Variants in RBM38 observed in about 807,000 individuals in gnomAD.
RBM38 encodes the protein RNA-binding protein 38.
In RBM38, 11 loss-of-function variants were observed where a neutral mutation model predicts 23.5. The observed-to-expected ratio is 0.47, with a 90% CI of 0.29 to 0.77. RBM38 has a LOEUF of 0.77. Among genes scored for constraint, RBM38 ranks in the 30% least tolerant of loss-of-function variants. RBM38 has a pLI of 0.08. For missense variants in RBM38, 330 were observed against 351.9 expected (o/e 0.94, Z 0.50); for synonymous variants, 165 against 166.1 (o/e 0.99, Z 0.05).
chr20:57,392,607 C>T, intron 1 of RBM38, 47 bp from the exon 2 acceptor site: 1 of 1,576,734 alleles, frequency 6.3e-7, no homozygotes, highest in Non-Finnish European at 8.6e-7. Flanking sequence ...CCCCTTTCGC[C>T]CCTGGTTCCC....
rs2067407190 is a variant in RBM38 at position 57,408,108 on chromosome 20, G to A, written c.*262G>A. On this transcript the variant is annotated 3_prime_UTR_variant, in exon 4 of 4. Transcript: ENST00000356208. ...TTAAAGACGCAATCCCAGGTTCCTT[G>A]CACACCATGGCAGCCTCTCCTTGCA... is the stretch of plus-strand genomic sequence containing the variant. The A allele has an allele frequency of 5.6e-6, 3 of 538,630 alleles. No homozygotes were observed. In the East Asian group the frequency reaches 9.7e-5, roughly 17 times the overall value. 33.4% of individuals were successfully genotyped at this position (538,630 alleles called of 1,614,324 possible).
chr20:57,405,526 A>G (rs1260974803), intron 3 of RBM38, among the ~76,000 whole-genome samples: 1 of 152,224 alleles, frequency 6.6e-6, no homozygotes, highest in Non-Finnish European at 1.5e-5. Flanking sequence ...GTGTGGCCAC[A>G]GCAGCCACTA....
rs200561320 is a variant in RBM38 at position 57,407,863 on chromosome 20, G to A, written c.*17G>A. The A allele has an allele frequency of 2.3e-5, 35 of 1,536,174 alleles. No homozygotes were observed. The highest frequency in any genetic ancestry group is 1.5e-4 in the African/African-American group (11 of 73,150). The stretch of plus-strand genomic sequence containing the variant: ...ATGCAGTGAGGGGCGTTCCTGCCCC[G>A]AGGACTGTGGCATTGTCACCTTCAC... On this transcript the variant is annotated 3_prime_UTR_variant, in exon 4 of 4. Coordinates refer to ENST00000356208, the MANE Select transcript of RBM38 (RefSeq NM_017495.6). This position sits in a 1 kb window ranked among gnomAD's most constrained non-coding sequence, Gnocchi z 4.0.
At chr20:57,392,163 C>A (rs886523557) in intron 1 of RBM38, 3 of 275,996 alleles carry the variant, frequency 1.1e-5, no homozygotes, top group Non-Finnish European at 2.1e-5. Context: ...AGCAATGGCT[C>A]CACCCCGGGG....
intron 3 of RBM38, among the ~76,000 whole-genome samples, chr20:57,396,249 A>G (rs944825415): frequency 1.4e-4 from 21 of 152,156 alleles, no homozygotes; most frequent in African/African-American, 5.1e-4. Context: ...GTATGTGGCC[A>G]CTGTCCGCGG....
rs780805801 is a variant in RBM38, at chr20:57,391,648, G to T, written c.67G>T (p.Ala23Ser). 3 of 1,489,834 alleles carry T rather than the reference G, an allele frequency of 2.0e-6. No individual in the cohort carries two copies. The highest frequency in any genetic ancestry group is 1.3e-5 in the South Asian group (1 of 79,434). The allele number at this position is 1,489,834 out of a possible 1,614,324, so 92.3% of individuals were successfully genotyped here. ...GFPRPLAAPG[A>S]MHGSQKDTTF... ...CCCGCGGCCCCTGGCCGCCCCCGGC[G>T]CCATGCACGGCTCGCAGAAGGACAC... is the stretch of plus-strand genomic sequence containing the variant. Residue 23 changes from alanine (A) to serine (S), a missense_variant, in exon 1 of 4, where the codon GCC becomes TCC. Around this residue, in one of 3 missense-constraint regions of RBM38, gnomAD observed 95 missense variants for 111.9 expected, o/e 0.85. Coordinates refer to ENST00000356208, the MANE Select transcript of RBM38 (RefSeq NM_017495.6).
intron 1 of RBM38, chr20:57,392,354 C>T (rs1274586670): frequency 2.1e-6 from 3 of 1,414,180 alleles, no homozygotes; most frequent in African/African-American, 2.8e-5. Flanking sequence ...CCAGGCGGCC[C>T]CCCAAGCTCC....
At chr20:57,397,919 C>T (rs770274732) in intron 3 of RBM38, among the ~76,000 whole-genome samples, 1 of 152,218 alleles carries the variant, frequency 6.6e-6, no homozygotes, top group Admixed American at 6.5e-5. Flanking sequence ...CGGAACAGTT[C>T]CGCGTCTCGA....
Position 57,392,635 on chromosome 20 carries a change from T to C in RBM38, c.238-19T>C, listed in dbSNP as rs368592114. 2.8e-5 allele frequency: 45 copies of C among 1,606,780 alleles called. No individual in the cohort carries two copies. The highest frequency in any genetic ancestry group is 1.7e-4 in the Middle Eastern group (1 of 6,026). On this transcript the variant is annotated intron_variant, in intron 1 of 3. Coordinates refer to ENST00000356208, the MANE Select transcript of RBM38 (RefSeq NM_017495.6). ...TGGTTCCCCCCACGGCAGCCCCTGA[T>C]GTGTCTCTGCTCCACCAGGTGACCA...
rs1186022366 is a variant in RBM38, at chr20:57,408,557, A to T, written c.*711A>T. 2 of 152,302 alleles carry T rather than the reference A, an allele frequency of 1.3e-5. No homozygotes were observed. The highest frequency in any genetic ancestry group is 2.9e-5 in the Non-Finnish European group (2 of 68,116). The allele number at this position is 152,302 out of a possible 1,614,324, so 9.4% of individuals were successfully genotyped here. The stretch of plus-strand genomic sequence containing the variant: ...GAAGTTCAGTCTATTTTTTCAGCGG[A>T]TACTGCCGCCACCAAGAATCCAAAA... On this transcript the variant is annotated 3_prime_UTR_variant, in exon 4 of 4. Coordinates refer to ENST00000356208, the MANE Select transcript of RBM38 (RefSeq NM_017495.6).
intron 3 of RBM38, among the ~76,000 whole-genome samples, chr20:57,402,406 G>A (rs2067337644): frequency 6.6e-6 from 1 of 152,214 alleles, no homozygotes; most frequent in South Asian, 2.1e-4. Context: ...CCTGTTGGAT[G>A]GTGTGGGCAT....
rs769439471 is a variant in RBM38 at position 57,391,667 on chromosome 20, A to G, written c.86A>G (p.Lys29Arg). Residue 29 changes from lysine (K) to arginine (R), a missense_variant, in exon 1 of 4, where the codon AAG becomes AGG. Around this residue, in one of 3 missense-constraint regions of RBM38, gnomAD observed 95 missense variants for 111.9 expected, o/e 0.85. Coordinates refer to ENST00000356208, the MANE Select transcript of RBM38 (RefSeq NM_017495.6). ...CCCGGCGCCATGCACGGCTCGCAGA[A>G]GGACACCACGTTCACCAAGATCTTC... ...AAPGAMHGSQKDTTFTKIFVG... is the reference protein window; with the variant it reads ...AAPGAMHGSQRDTTFTKIFVG... 6.6e-7 allele frequency: 1 copy of G among 1,505,230 alleles called. No homozygotes were observed. Among genetic ancestry groups the G allele is most frequent in the Non-Finnish European group, 8.9e-7 (1 of 1,123,700 alleles). 93.2% of individuals were successfully genotyped at this position (1,505,230 alleles called of 1,614,324 possible).
chr20:57,408,143 G>A lies in RBM38; in HGVS notation c.*297G>A. 2.1e-6 allele frequency: 1 copy of A among 482,344 alleles called. No individual in the cohort carries two copies. The allele number at this position is 482,344 out of a possible 1,614,324, so 29.9% of individuals were successfully genotyped here. A position where few individuals can be genotyped will look rare whatever the true frequency, so the allele number is the denominator to read the frequency against. Reference sequence around the variant, plus strand: ...GCAGCCTCTCCTTGCACCTTCTCCTGCCTCTCCACACTCCAGGTTCCCTCA... The same window carrying A: ...GCAGCCTCTCCTTGCACCTTCTCCTACCTCTCCACACTCCAGGTTCCCTCA... On this transcript the variant is annotated 3_prime_UTR_variant, in exon 4 of 4. Coordinates refer to ENST00000356208, the MANE Select transcript of RBM38 (RefSeq NM_017495.6).
rs754163486 is a variant in RBM38, at chr20:57,407,496, T to G, written c.417-47T>G. On this transcript the variant is annotated intron_variant, in intron 3 of 3. Transcript: ENST00000356208. This position sits in a 1 kb window ranked among gnomAD's most constrained non-coding sequence, Gnocchi z 4.0. ...GTACCCCACTGTTCTCCCAGCTGTA[T>G]TCCCCAACTCCGTTCTGGCCCTAAC... 2 of 1,585,880 alleles carry G rather than the reference T, an allele frequency of 1.3e-6. No individual in the cohort carries two copies. Among genetic ancestry groups the G allele is most frequent in the Admixed American group, 3.4e-5 (2 of 58,628 alleles).
intron 3 of RBM38, among the ~76,000 whole-genome samples, chr20:57,398,249 C>CAT (rs1314893381): frequency 2.0e-5 from 3 of 149,020 alleles, no homozygotes; most frequent in Non-Finnish European, 4.5e-5. Context: ...CAGGTGATGG[C>CAT]GTGTGTGTGT....
At chr20:57,400,843 A>C (rs930539372) in intron 3 of RBM38, among the ~76,000 whole-genome samples, 1 of 151,966 alleles carries the variant, frequency 6.6e-6, no homozygotes, top group African/African-American at 2.4e-5. Flanking sequence ...TTGGAAGGAA[A>C]CTGGAAGGGA....
In RBM38 at chr20:57,407,328, G is replaced by A. The variant is rs1488070900; in HGVS notation, c.417-215G>A. ...GAAGGCCTTGCTGAGAAGGAGACAT[G>A]GAGTGGAGGAGGGAGCCTGGTGGTT... On this transcript the variant is annotated intron_variant, in intron 3 of 3. Transcript: ENST00000356208. The surrounding 1 kb of genome is among the most constrained non-coding windows in gnomAD (Gnocchi z 4.0). Among the ~76,000 whole-genome samples, 1 of 152,186 alleles carries A rather than the reference G, an allele frequency of 6.6e-6. No homozygotes were observed. Among genetic ancestry groups the A allele is most frequent in the Non-Finnish European group, 1.5e-5 (1 of 68,024 alleles).
intron 3 of RBM38, among the ~76,000 whole-genome samples, chr20:57,405,365 G>T (rs532886547): frequency 1.8e-4 from 28 of 152,340 alleles, no homozygotes; most frequent in African/African-American, 6.5e-4. Flanking sequence ...CTGGCTCCGC[G>T]CGAGGCCCTT....
At chr20:57,405,662 A>T (rs1036172215) in intron 3 of RBM38, among the ~76,000 whole-genome samples, 1 of 152,096 alleles carries the variant, frequency 6.6e-6, no homozygotes, top group Non-Finnish European at 1.5e-5. Flanking sequence ...CCTGGTTTCC[A>T]CCGTTGCTGT....
Sources: allele counts gnomAD v4.1 joint callset (sites outside exome capture counted in the v4.1 genomes callset), GRCh38; gene constraint gnomAD v4.1.1; regional missense constraint gnomAD v4.1.1; non-coding constraint Gnocchi (gnomAD v3.1); transcripts MANE v1.5; gene names NCBI Gene and HGNC (gene_info 2026-07-23, HGNC 2026-07-21).